The following PIP4K2B variants were observed in gnomAD, a reference collection of about 807,000 sequenced individuals.
PIP4K2B encodes phosphatidylinositol-5-phosphate 4-kinase type 2 beta.
A neutral mutation model predicts 42.0 loss-of-function variants in PIP4K2B; 3 were observed. The observed-to-expected ratio is 0.07, with a 90% CI of 0.03 to 0.18. The LOEUF is 0.18. PIP4K2B is among the 10% of genes least tolerant of loss of function. PIP4K2B has a pLI of 1.00. For synonymous variants in PIP4K2B, 204 were observed against 210.1 expected (o/e 0.97, Z 0.25); for missense variants, 332 against 562.3 (o/e 0.59, Z 4.14).
At position 38,789,630 on chromosome 17, in the gene PIP4K2B, C is replaced by T. The variant is rs1007415887; in HGVS notation, c.160-2710G>A. On this transcript the variant is annotated intron_variant, in intron 1 of 9. Transcript: ENST00000619039. ...TTGCTGCTCCTTTTATGTTACAAAC[C>T]TTTTTTATTTAGAAATGTCAGAGAA... is the stretch of plus-strand genomic sequence containing the variant. Among the ~76,000 whole-genome samples, 5 of 152,192 alleles carry T rather than the reference C, an allele frequency of 3.3e-5. No individual in the cohort carries two copies. The South Asian group carries it at 1.0e-3, about 32-fold the overall frequency.
chr17:38,791,362 T>C (rs1910329182), intron 1 of PIP4K2B, among the ~76,000 whole-genome samples: 1 of 151,328 alleles, frequency 6.6e-6, no homozygotes, highest in Non-Finnish European at 1.5e-5. Flanking sequence ...TTTAACTGCT[T>C]AGCCTGGCAT....
At position 38,769,555 on chromosome 17, in the gene PIP4K2B, C is replaced by T. The variant is rs909200243; in HGVS notation, c.*136G>A. ...AAGTCTCTTTCGGTGTCACAGGCTG[C>T]AGTCTCATTGCTAAAGCCCTCCCAA... is the stretch of plus-strand genomic sequence containing the variant. On this transcript the variant is annotated 3_prime_UTR_variant, in exon 10 of 10. Transcript: ENST00000619039. 2 of 716,088 alleles carry T rather than the reference C, an allele frequency of 2.8e-6. No individual in the cohort carries two copies. The highest frequency in any genetic ancestry group is 5.2e-6 in the Non-Finnish European group (2 of 385,856). 44.4% of individuals were successfully genotyped at this position (716,088 alleles called of 1,614,324 possible). A position where few individuals can be genotyped will look rare whatever the true frequency, so the allele number is the denominator to read the frequency against.
chr17:38,770,438 C>T lies in PIP4K2B; in HGVS notation c.1168G>A (p.Gly390Arg). The T allele has an allele frequency of 6.3e-7, 1 of 1,598,114 alleles. No homozygotes were observed. The highest frequency in any genetic ancestry group is 2.2e-5 in the East Asian group (1 of 44,772). ...AAHAAKTVKHGAGAEISTVNP... is the reference protein window; with the variant it reads ...AAHAAKTVKHRAGAEISTVNP... ...GGATGAAGATGGAGAGGACTCACCC[C>T]GTGTTTCACCGTTTTGGCAGCATGT... The change falls in exon 9 of 10, where the codon GGG (glycine) becomes AGG (arginine). Residue 390 changes from glycine (G) to arginine (R), a missense_variant and splice_region_variant. Gly to Arg is a moderately radical substitution (Grantham distance 125, BLOSUM62 -2). Around this residue, in one of 6 missense-constraint regions of PIP4K2B, gnomAD observed 26 missense variants for 76.4 expected, o/e 0.34. Coordinates refer to ENST00000619039, the MANE Select transcript of PIP4K2B (RefSeq NM_003559.5).
intron 2 of PIP4K2B, among the ~76,000 whole-genome samples, chr17:38,785,940 C>T (rs1226337273): frequency 1.3e-5 from 2 of 152,132 alleles, no homozygotes; most frequent in East Asian, 3.9e-4. Context: ...AGGGCTGCCT[C>T]TCCCTCCTTA....
rs544769617 is a variant in PIP4K2B at position 38,794,010 on chromosome 17, A to G, written c.159+5256T>C. ...CACCATACCCAAAAGTGAATTCAAA[A>G]TGGATTACAGACTTAAATGTAAGAA... On this transcript the variant is annotated intron_variant, in intron 1 of 9. Transcript: ENST00000619039. Among the ~76,000 whole-genome samples the G allele has an allele frequency of 2.0e-5, 3 of 152,340 alleles. No homozygotes were observed. In the East Asian group the frequency reaches 5.8e-4, roughly 29 times the overall value.
intron 7 of PIP4K2B, among the ~76,000 whole-genome samples, chr17:38,772,144 T>C (rs1909082361): frequency 6.6e-6 from 1 of 152,170 alleles, no homozygotes; most frequent in South Asian, 2.1e-4. Context: ...AGATCAAAAT[T>C]TCAACCCATT....
chr17:38,773,502 G>A (rs1229201939), intron 7 of PIP4K2B, among the ~76,000 whole-genome samples: 8 of 152,192 alleles, frequency 5.3e-5, no homozygotes, highest in Middle Eastern at 6.3e-3. Context: ...ACAAAGTATG[G>A]AATGATACAG....
At chr17:38,797,846 C>T (rs1221113363) in intron 1 of PIP4K2B, among the ~76,000 whole-genome samples, 1 of 152,194 alleles carries the variant, frequency 6.6e-6, no homozygotes, top group Non-Finnish European at 1.5e-5. Flanking sequence ...GACCGAGTAA[C>T]AAACTGGGCT....
chr17:38,780,633 C>T (rs1016668953), intron 3 of PIP4K2B, 29 bp from the exon 4 acceptor site: 3 of 1,598,576 alleles, frequency 1.9e-6, no homozygotes, highest in African/African-American at 2.7e-5. Context: ...GAAGGCTGGG[C>T]TTGGCAGGGG....
chr17:38,785,035 G>C (rs1909930116), intron 2 of PIP4K2B, among the ~76,000 whole-genome samples: 1 of 152,152 alleles, frequency 6.6e-6, no homozygotes, highest in African/African-American at 2.4e-5. Flanking sequence ...GCTTCCACTG[G>C]GACGTAGGAA....
At chr17:38,795,096 T>C (rs1389800671) in intron 1 of PIP4K2B, among the ~76,000 whole-genome samples, 148 of 37,038 alleles carry the variant, frequency 4.0e-3, no homozygotes, top group African/African-American at 0.019. Context: ...CAAAACTCCA[T>C]CTCAAAAAAA....
In PIP4K2B at chr17:38,766,450, G is replaced by A. The variant is rs545941024; in HGVS notation, c.*3241C>T. Reference sequence around the variant, plus strand: ...GGACTGGCTACTGCAAAAAGTCCTGGGTCTTTGGTCCACCTCCCCAAGGTA... The same window carrying A: ...GGACTGGCTACTGCAAAAAGTCCTGAGTCTTTGGTCCACCTCCCCAAGGTA... On this transcript the variant is annotated 3_prime_UTR_variant, in exon 10 of 10. Coordinates refer to ENST00000619039, the MANE Select transcript of PIP4K2B (RefSeq NM_003559.5). 1 of 152,688 alleles carries A rather than the reference G, an allele frequency of 6.5e-6. No homozygotes were observed. Among genetic ancestry groups the A allele is most frequent in the Non-Finnish European group, 1.5e-5 (1 of 68,092 alleles). The allele number at this position is 152,688 out of a possible 1,614,324, so 9.5% of individuals were successfully genotyped here.
chr17:38,785,562 C>G (rs1193705912), intron 2 of PIP4K2B, among the ~76,000 whole-genome samples: 1 of 152,034 alleles, frequency 6.6e-6, no homozygotes, highest in Non-Finnish European at 1.5e-5. Context: ...GCCTGTAATC[C>G]CAGCTACTCA....
At position 38,780,568 on chromosome 17, in the gene PIP4K2B, T is replaced by C; in HGVS notation, c.391A>G (p.Ser131Gly). The change falls in exon 4 of 10, where the codon AGC becomes GGC. Residue 131 changes from serine (S) to glycine (G), a missense_variant. Physicochemically the swap from Ser to Gly is moderately conservative, Grantham distance 56 (BLOSUM62 0). Transcript: ENST00000619039. Reference protein sequence around the residue: ...VTRSAPINSDSQGRCGTRFLT... With the variant: ...VTRSAPINSDGQGRCGTRFLT... ...AAACGCGTGCCACACCGACCCTGGC[T>C]GTCACTGTTGATGGGGGCGCTGCGC... The C allele has an allele frequency of 1.2e-6, 2 of 1,613,508 alleles. No homozygotes were observed. The highest frequency in any genetic ancestry group is 1.7e-6 in the Non-Finnish European group (2 of 1,179,422).
chr17:38,786,568 A>G (rs756304740), intron 2 of PIP4K2B, among the ~76,000 whole-genome samples: 26 of 152,212 alleles, frequency 1.7e-4, no homozygotes, highest in Non-Finnish European at 2.5e-4. Flanking sequence ...CTCTAGATGA[A>G]TCACCCTGGG....
chr17:38,796,037 C>G (rs1030851832), intron 1 of PIP4K2B, among the ~76,000 whole-genome samples: 1 of 152,074 alleles, frequency 6.6e-6, no homozygotes, highest in Non-Finnish European at 1.5e-5. Flanking sequence ...ACTGAGGAGG[C>G]TGAAGCAGGA....
At chr17:38,778,184 C>G (rs1286174036) in intron 6 of PIP4K2B, 150 bp downstream of exon 6, 4 of 780,104 alleles carry the variant, frequency 5.1e-6, no homozygotes, top group Non-Finnish European at 9.2e-6. Context: ...CAAGGACAGA[C>G]AGGTGATTCA....
Position 38,768,285 on chromosome 17 carries a change from T to A in PIP4K2B, c.*1406A>T, listed in dbSNP as rs1258440994. 2 of 152,350 alleles carry A rather than the reference T, an allele frequency of 1.3e-5. No homozygotes were observed. Among genetic ancestry groups the A allele is most frequent in the Non-Finnish European group, 2.9e-5 (2 of 68,046 alleles). The allele number at this position is 152,350 out of a possible 1,614,324, so 9.4% of individuals were successfully genotyped here. A position where few individuals can be genotyped will look rare whatever the true frequency, so the allele number is the denominator to read the frequency against. On this transcript the variant is annotated 3_prime_UTR_variant, in exon 10 of 10. Transcript: ENST00000619039. ...TCTCCTGGCCAGAGCAGCCTGTGGC[T>A]CAGTTCTGAGGGCCTGGGTGGCAGG...
chr17:38,769,671 T>C lies in PIP4K2B; in HGVS notation c.*20A>G, dbSNP rs1908899297. 1 of 1,378,616 alleles carries C rather than the reference T, an allele frequency of 7.3e-7. No homozygotes were observed. Among genetic ancestry groups the C allele is most frequent in the African/African-American group, 1.4e-5 (1 of 70,348 alleles). 85.4% of individuals were successfully genotyped at this position (1,378,616 alleles called of 1,614,324 possible). ...GACCCCATATCCAGCTCTCTGGCTC[T>C]GGCTGAAGGTAGAAGAGAACTACGT... is the stretch of plus-strand genomic sequence containing the variant. On this transcript the variant is annotated 3_prime_UTR_variant, in exon 10 of 10. Coordinates refer to ENST00000619039, the MANE Select transcript of PIP4K2B (RefSeq NM_003559.5).
Sources: gnomAD v4.1 joint callset for allele counts (sites outside exome capture counted in the v4.1 genomes callset) on GRCh38, gnomAD v4.1.1 for gene constraint, gnomAD v4.1.1 regional missense constraint, MANE v1.5 for transcripts, NCBI Gene and HGNC (gene_info 2026-07-23, HGNC 2026-07-21) for gene names.